Variants in NRG3 observed in about 807,000 individuals in gnomAD.
The protein encoded by NRG3 is pro-neuregulin-3, membrane-bound isoform.
NRG3 carries 31 observed loss-of-function variants against 66.9 expected under a neutral mutation model. The observed-to-expected ratio is 0.46, with a 90% CI of 0.35 to 0.63. The LOEUF (loss-of-function observed/expected upper bound fraction) is 0.63, where lower values mean the gene tolerates loss of function less well. Among genes scored for constraint, NRG3 ranks in the 20% least tolerant of loss-of-function variants. NRG3 has a pLI of 0.00. For missense variants in NRG3, 910 were observed against 878.9 expected, an observed-to-expected ratio of 1.04 and a Z score of -0.45; for synonymous variants, 393 against 359.4, an observed-to-expected ratio of 1.09 and a Z score of -1.06.
intron 1 of NRG3, among the ~76,000 whole-genome samples, chr10:82,307,287 C>A (rs1205724133): frequency 6.6e-6 from 1 of 151,960 alleles, no homozygotes; most frequent in Non-Finnish European, 1.5e-5. Flanking sequence ...TTTTATTCAC[C>A]TGTGTAATTA....
chr10:82,536,430 C>G (rs1847820185), intron 2 of NRG3, among the ~76,000 whole-genome samples: 2 of 152,134 alleles, frequency 1.3e-5, no homozygotes, highest in Admixed American at 1.3e-4. Flanking sequence ...GTCAGAATTT[C>G]TCTATTTTAC....
At chr10:82,377,987 G>A (rs1336687022) in intron 2 of NRG3, among the ~76,000 whole-genome samples, 1 of 152,226 alleles carries the variant, frequency 6.6e-6, no homozygotes, top group Non-Finnish European at 1.5e-5. Flanking sequence ...GGGCTAGGAA[G>A]TGAGAACAAA....
intron 5 of NRG3, among the ~76,000 whole-genome samples, chr10:82,955,456 T>C (rs528640159): frequency 6.6e-6 from 1 of 152,082 alleles, no homozygotes; most frequent in Admixed American, 6.5e-5. Context: ...CAAGTTTTTC[T>C]CTTTATTTTT....
At chr10:82,521,353 T>G (rs1204422507) in intron 2 of NRG3, among the ~76,000 whole-genome samples, 15 of 152,078 alleles carry the variant, frequency 9.9e-5, no homozygotes, top group Non-Finnish European at 1.9e-4. Flanking sequence ...CGGACTTTTT[T>G]TTATTTTGAG....
At chr10:82,364,778 G>T (rs550317488) in intron 2 of NRG3, among the ~76,000 whole-genome samples, 2 of 152,160 alleles carry the variant, frequency 1.3e-5, no homozygotes, top group Non-Finnish European at 2.9e-5. Context: ...CAAGCAATTC[G>T]CTTGAAGATA....
At position 82,443,296 on chromosome 10, in the gene NRG3, G is replaced by A. The variant is rs551304884; in HGVS notation, c.953+84428G>A. 3.9e-5 allele frequency among the ~76,000 whole-genome samples: 6 copies of A among 152,010 alleles called. No homozygotes were observed. The South Asian group carries it at 6.2e-4, about 16-fold the overall frequency. The stretch of plus-strand genomic sequence containing the variant: ...AGCCTAGGACAAAACCACCAGCTTC[G>A]GTAATTTGAGTTATCACTCATGTAA... On this transcript the variant is annotated intron_variant, in intron 2 of 8. Transcript: ENST00000372141.
intron 1 of NRG3, among the ~76,000 whole-genome samples, chr10:81,915,345 G>A (rs1014146050): frequency 3.0e-4 from 45 of 152,264 alleles, no homozygotes; most frequent in African/African-American, 1.1e-3. Flanking sequence ...AGCTGCCTTG[G>A]AGAGGCTAGA....
At chr10:82,132,538 T>TATATATATCATATATATATATC (rs2068995714) in intron 1 of NRG3, among the ~76,000 whole-genome samples, 10 of 127,300 alleles carry the variant, frequency 7.9e-5, no homozygotes, top group African/African-American at 2.5e-4. Context: ...ATATATATGA[T>TATATATATCATATATATATATC]ATATATATAT....
chr10:82,603,977 G>A (rs375696453), intron 2 of NRG3, among the ~76,000 whole-genome samples: 2 of 152,026 alleles, frequency 1.3e-5, no homozygotes. Context: ...ACTGCCTATC[G>A]GTTTTCCCTA....
chr10:82,228,289 C>A (rs1460564505), intron 1 of NRG3, among the ~76,000 whole-genome samples: 2 of 152,080 alleles, frequency 1.3e-5, no homozygotes, highest in East Asian at 3.9e-4. Flanking sequence ...AATTCAAGTT[C>A]AAATTTGGGG....
intron 1 of NRG3, among the ~76,000 whole-genome samples, chr10:81,884,105 G>T (rs2132499906): frequency 6.6e-6 from 1 of 152,270 alleles, no homozygotes; most frequent in Non-Finnish European, 1.5e-5. Context: ...CCTAGGACTT[G>T]CAGAAATTGT....
At chr10:82,082,934 T>C (rs570870934) in intron 1 of NRG3, among the ~76,000 whole-genome samples, 5 of 152,306 alleles carry the variant, frequency 3.3e-5, no homozygotes, top group South Asian at 4.1e-4. Flanking sequence ...ATTACTTTAT[T>C]GATTATGACA....
chr10:82,774,336 A>G (rs2059818912), intron 3 of NRG3, among the ~76,000 whole-genome samples: 1 of 152,132 alleles, frequency 6.6e-6, no homozygotes, highest in South Asian at 2.1e-4. Context: ...AGAGTTTGAG[A>G]AGGATTGGCA....
intron 1 of NRG3, among the ~76,000 whole-genome samples, chr10:82,351,477 C>T (rs2083435200): frequency 6.6e-6 from 1 of 152,120 alleles, no homozygotes. Context: ...TCAAGTTTCC[C>T]AGTGCACCTG....
chr10:82,293,901 T>C (rs569561966), intron 1 of NRG3, among the ~76,000 whole-genome samples: 35 of 149,228 alleles, frequency 2.3e-4, no homozygotes, highest in African/African-American at 8.4e-4. Context: ...CCTTCAACCT[T>C]GTATTTAGCA....
chr10:82,491,315 TAAA>T (rs1590329594), intron 2 of NRG3, among the ~76,000 whole-genome samples: 6 of 119,920 alleles, frequency 5.0e-5, no homozygotes, highest in Admixed American at 1.7e-4. Flanking sequence ...TATATATATA[TAAA>T]ATAAAGATGC....
intron 3 of NRG3, among the ~76,000 whole-genome samples, chr10:82,841,631 C>A (rs1006799192): frequency 6.6e-6 from 1 of 152,084 alleles, no homozygotes; most frequent in African/African-American, 2.4e-5. Flanking sequence ...TTTTGCTCTT[C>A]AGGCCTTTAG....
At position 82,590,387 on chromosome 10, in the gene NRG3, C is replaced by T. The variant is rs112249173; in HGVS notation, c.954-148190C>T. On this transcript the variant is annotated intron_variant, in intron 2 of 8. Coordinates refer to ENST00000372141, the MANE Select transcript of NRG3 (RefSeq NM_001010848.4). ...TTTAAGTTGTATAAAAACAAGTTAT[C>T]GGAGGAAGCTAAGAAGGCCCCTAGG... Among the ~76,000 whole-genome samples the T allele has an allele frequency of 2.1e-4, 32 of 152,066 alleles. No individual in the cohort carries two copies. In the East Asian group the frequency reaches 5.4e-3, roughly 26 times the overall value.
chr10:82,977,337 A>T (rs1333989386), intron 7 of NRG3, among the ~76,000 whole-genome samples: 3 of 152,148 alleles, frequency 2.0e-5, no homozygotes, highest in African/African-American at 7.2e-5. Context: ...GGCTAGGCAC[A>T]GTGGCTCAAA....
Sources: gnomAD v4.1 joint callset for allele counts (sites outside exome capture counted in the v4.1 genomes callset) on GRCh38, gnomAD v4.1.1 for gene constraint, MANE v1.5 for transcripts, NCBI Gene and HGNC (gene_info 2026-07-23, HGNC 2026-07-21) for gene names.